The following CAMTA1 variants were observed in gnomAD, a reference collection of about 807,000 sequenced individuals.
CAMTA1 encodes calmodulin-binding transcription activator 1.
A neutral mutation model predicts 170.9 loss-of-function variants in CAMTA1; 27 were observed. That is an observed-to-expected ratio of 0.16 (90% confidence interval 0.12 to 0.22). CAMTA1 has a LOEUF of 0.22. CAMTA1 is among the 10% of genes least tolerant of loss of function. CAMTA1 has a pLI of 1.00. For missense variants in CAMTA1, 1,619 were observed against 2,217.2 expected, an observed-to-expected ratio of 0.73 and a Z score of 5.42; for synonymous variants, 833 against 891.5, an observed-to-expected ratio of 0.93 and a Z score of 1.17.
At chr1:6,920,997 G>A (rs992844210) in intron 3 of CAMTA1, among the ~76,000 whole-genome samples, 1 of 152,186 alleles carries the variant, frequency 6.6e-6, no homozygotes, top group Non-Finnish European at 1.5e-5. Flanking sequence ...ACTAACATTC[G>A]GCTCCTCGTT....
intron 7 of CAMTA1, among the ~76,000 whole-genome samples, chr1:7,655,850 G>A (rs2095898667): frequency 6.6e-6 from 1 of 152,216 alleles, no homozygotes; most frequent in Non-Finnish European, 1.5e-5. Context: ...AGAGCCTGAG[G>A]ATGGGGGAGG....
intron 7 of CAMTA1, among the ~76,000 whole-genome samples, chr1:7,650,166 G>A (rs1292105304): frequency 1.3e-5 from 2 of 152,184 alleles, no homozygotes; most frequent in African/African-American, 2.4e-5. Context: ...TAACCCTGAG[G>A]CTCTGACGCT....
chr1:7,057,464 G>A (rs1441975756), intron 3 of CAMTA1, among the ~76,000 whole-genome samples: 1 of 152,192 alleles, frequency 6.6e-6, no homozygotes, highest in African/African-American at 2.4e-5. Context: ...GCGGCGGGGT[G>A]GCCCTTGCTG....
chr1:6,794,896 T>TTTG (rs1642099905), intron 1 of CAMTA1, among the ~76,000 whole-genome samples: 1 of 150,694 alleles, frequency 6.6e-6, no homozygotes, highest in Non-Finnish European at 1.5e-5. Context: ...TTTTGTTTTT[T>TTTG]TTGTTTTTTT....
At chr1:7,081,699 C>T (rs1640032459) in intron 3 of CAMTA1, among the ~76,000 whole-genome samples, 1 of 152,220 alleles carries the variant, frequency 6.6e-6, no homozygotes, top group African/African-American at 2.4e-5. Context: ...GGTGGTGGTC[C>T]TCTGGAGCTC....
intron 11 of CAMTA1, among the ~76,000 whole-genome samples, chr1:7,678,816 G>A (rs986521421): frequency 9.9e-5 from 15 of 152,174 alleles, no homozygotes; most frequent in African/African-American, 3.1e-4. Flanking sequence ...ACCCCCTCAC[G>A]CACCCCGCAC....
At chr1:6,902,947 A>G (rs932715273) in intron 3 of CAMTA1, among the ~76,000 whole-genome samples, 5 of 152,240 alleles carry the variant, frequency 3.3e-5, no homozygotes, top group African/African-American at 1.2e-4. Context: ...ACCATGATCC[A>G]ACAGTTCCAC....
intron 3 of CAMTA1, among the ~76,000 whole-genome samples, chr1:6,929,352 T>TG (rs1423906351): frequency 1.3e-5 from 2 of 149,810 alleles, no homozygotes; most frequent in Non-Finnish European, 3.0e-5. Flanking sequence ...GCTAATTTTT[T>TG]TTTTTTTGTT....
At chr1:7,672,807 C>A (rs891376772) in intron 10 of CAMTA1, among the ~76,000 whole-genome samples, 1 of 152,122 alleles carries the variant, frequency 6.6e-6, no homozygotes, top group African/African-American at 2.4e-5. Context: ...GAACCCAGCA[C>A]CATCTTCCCC....
Position 7,325,409 on chromosome 1 carries a change from T to G in CAMTA1, c.438+75783T>G, listed in dbSNP as rs575691069. ...CATGTCTGCCTGGGAGGGGAAACAC[T>G]GAGGTGGAGGGACAGCCAGTACAGA... On this transcript the variant is annotated intron_variant, in intron 5 of 22. Transcript: ENST00000303635. This position sits in a 1 kb window ranked among gnomAD's most constrained non-coding sequence, Gnocchi z 5.0. Among the ~76,000 whole-genome samples the G allele has an allele frequency of 7.9e-4, 120 of 152,132 alleles. 2 individuals are homozygous for G. Among genetic ancestry groups the G allele is most frequent in the African/African-American group, 2.7e-3 (114 of 41,500 alleles).
chr1:7,207,714 T>A (rs1158115840), intron 4 of CAMTA1, among the ~76,000 whole-genome samples: 4 of 152,168 alleles, frequency 2.6e-5, no homozygotes, highest in Admixed American at 2.0e-4. Flanking sequence ...ACCGGCTCTG[T>A]GCTTCTCCAT....
intron 3 of CAMTA1, among the ~76,000 whole-genome samples, chr1:7,026,911 A>G (rs533429907): frequency 6.6e-6 from 1 of 152,256 alleles, no homozygotes; most frequent in Non-Finnish European, 1.5e-5. Context: ...TACAGACATG[A>G]GCCACTGTGT....
intron 22 of CAMTA1, among the ~76,000 whole-genome samples, chr1:7,759,202 A>G (rs2096956316): frequency 1.3e-5 from 2 of 152,132 alleles, no homozygotes; most frequent in Non-Finnish European, 2.9e-5. Context: ...ACAGAATTAA[A>G]TTTTATGGGA....
intron 1 of CAMTA1, among the ~76,000 whole-genome samples, chr1:6,797,931 T>A: frequency 6.6e-6 from 1 of 151,752 alleles, no homozygotes; most frequent in South Asian, 2.1e-4. Context: ...AATGAAATAA[T>A]TTATATATTA....
chr1:7,429,773 A>G (rs900578584), intron 5 of CAMTA1, among the ~76,000 whole-genome samples: 4 of 152,334 alleles, frequency 2.6e-5, no homozygotes, highest in Non-Finnish European at 5.9e-5. Flanking sequence ...ACATTTCTGC[A>G]TGCTGTACAG....
chr1:7,717,900 T>C (rs1372172511), intron 11 of CAMTA1, among the ~76,000 whole-genome samples: 1 of 152,212 alleles, frequency 6.6e-6, no homozygotes, highest in Non-Finnish European at 1.5e-5. Context: ...GTTCACGTTG[T>C]GTATTTCCGA....
At chr1:7,411,516 T>C in intron 5 of CAMTA1, among the ~76,000 whole-genome samples, 1 of 113,292 alleles carries the variant, frequency 8.8e-6, no homozygotes, top group South Asian at 3.1e-4. Flanking sequence ...TCCAGCCTGG[T>C]GAGACTCTGC....
At chr1:7,725,910 T>A (rs1031935353) in intron 11 of CAMTA1, among the ~76,000 whole-genome samples, 3 of 151,328 alleles carry the variant, frequency 2.0e-5, no homozygotes, top group Non-Finnish European at 4.4e-5. Context: ...GGCGGGTGGG[T>A]CACACACACA....
At chr1:7,288,368 T>G (rs1672646919) in intron 5 of CAMTA1, among the ~76,000 whole-genome samples, 4 of 152,196 alleles carry the variant, frequency 2.6e-5, no homozygotes, top group African/African-American at 9.7e-5. Context: ...ATTTAATTGA[T>G]CTCCTCAACT....
Sources: allele counts gnomAD v4.1 joint callset (sites outside exome capture counted in the v4.1 genomes callset), GRCh38; gene constraint gnomAD v4.1.1; non-coding constraint Gnocchi (gnomAD v3.1); transcripts MANE v1.5; gene names NCBI Gene and HGNC (gene_info 2026-07-23, HGNC 2026-07-21).